GDPD1: variants seen among roughly 807,000 people sequenced by gnomAD.
GDPD1 encodes the protein lysophospholipase D GDPD1.
In GDPD1, 28 loss-of-function variants were observed where a neutral mutation model predicts 45.1. That is an observed-to-expected ratio of 0.62 (90% confidence interval 0.46 to 0.85). The LOEUF is 0.85. Among genes scored for constraint, GDPD1 ranks in the 40% least tolerant of loss-of-function variants. GDPD1 has a pLI of 0.00. For missense variants in GDPD1, 256 were observed against 364.8 expected, an observed-to-expected ratio of 0.70 and a Z score of 2.43; for synonymous variants, 139 against 131.4, an observed-to-expected ratio of 1.06 and a Z score of -0.40.
At chr17:59,261,185 C>T (rs1360238447) in intron 6 of GDPD1, among the ~76,000 whole-genome samples, 8 of 152,098 alleles carry the variant, frequency 5.3e-5, no homozygotes, top group South Asian at 2.1e-4. Flanking sequence ...AGGCTGGTCT[C>T]GAACTCCTGA....
chr17:59,242,868 C>G (rs376720072), intron 2 of GDPD1, among the ~76,000 whole-genome samples: 2 of 152,174 alleles, frequency 1.3e-5, no homozygotes, highest in East Asian at 1.9e-4. Flanking sequence ...GGCTCCACCC[C>G]CTCCTTGCAG....
chr17:59,230,354 A>G (rs1369436660), intron 1 of GDPD1, among the ~76,000 whole-genome samples: 1 of 150,682 alleles, frequency 6.6e-6, no homozygotes, highest in Non-Finnish European at 1.5e-5. Flanking sequence ...TGAATATTGA[A>G]CAGGCCAGTT....
chr17:59,234,630 G>A (rs750236960), intron 2 of GDPD1, 96 bp downstream of exon 2: 84 of 808,138 alleles, frequency 1.0e-4, no homozygotes, highest in Non-Finnish European at 1.7e-4. Flanking sequence ...GATAGTGTAA[G>A]TGTAGCATCA....
chr17:59,270,023 G>T (rs1435201542), intron 7 of GDPD1, among the ~76,000 whole-genome samples: 1 of 152,016 alleles, frequency 6.6e-6, no homozygotes, highest in Admixed American at 6.6e-5. Context: ...GATATATTTT[G>T]TGTGTTTTAA....
chr17:59,230,729 T>G (rs555212117), intron 1 of GDPD1, among the ~76,000 whole-genome samples: 46 of 152,160 alleles, frequency 3.0e-4, no homozygotes, highest in African/African-American at 1.1e-3. Context: ...TTTTAAAGAT[T>G]AAAGGTGATT....
chr17:59,234,401 A>C, intron 1 of GDPD1, 91 bp from the exon 2 acceptor site: 1 of 711,342 alleles, frequency 1.4e-6, no homozygotes, highest in Non-Finnish European at 2.4e-6. Flanking sequence ...AAAAAAAAAA[A>C]GGTCAAGATT....
chr17:59,265,133 G>A (rs1020947523), intron 6 of GDPD1, among the ~76,000 whole-genome samples: 2 of 152,020 alleles, frequency 1.3e-5, no homozygotes, highest in East Asian at 1.9e-4. Context: ...GAGCAACCGC[G>A]CCCAGCCTAG....
At position 59,255,701 on chromosome 17, in the gene GDPD1, C is replaced by T. The variant is rs574443594; in HGVS notation, c.368-1421C>T. Reference sequence around the variant, plus strand: ...GAGGTTGCTGTGAGCCGAGATCGCACTATCGCACTCCAGCCTGGGCAACAA... The same window carrying T: ...GAGGTTGCTGTGAGCCGAGATCGCATTATCGCACTCCAGCCTGGGCAACAA... On this transcript the variant is annotated intron_variant, in intron 4 of 9. Coordinates refer to ENST00000284116, the MANE Select transcript of GDPD1 (RefSeq NM_182569.4). Among the ~76,000 whole-genome samples, 339 of 129,468 alleles carry T rather than the reference C, an allele frequency of 2.6e-3. 1 individual carries two copies. Among genetic ancestry groups the T allele is most frequent in the Middle Eastern group, 9.7e-3 (2 of 206 alleles). The allele number at this position is 129,468 out of a possible 152,430, so 84.9% of individuals were successfully genotyped here.
chr17:59,268,998 AT>A (rs2047423198), intron 7 of GDPD1, among the ~76,000 whole-genome samples: 1 of 152,094 alleles, frequency 6.6e-6, no homozygotes, highest in African/African-American at 2.4e-5. Context: ...TCAAAAAAAA[AT>A]AAGAAAGAAA....
chr17:59,245,420 T>C lies in GDPD1; in HGVS notation c.192T>C (p.Val64=). Residue 64 remains valine (V), a synonymous_variant, in exon 3 of 10, where the codon GTT becomes GTC. Transcript: ENST00000284116. ...ENTMAAFQHA[V]KIGTDMLELD... ...TCTTCTTTTATTTCTTCAGTGCGGT[T>C]AAAATCGGAACTGATATGCTAGAAT... 6.2e-7 allele frequency: 1 copy of C among 1,610,116 alleles called. No homozygotes were observed. Among genetic ancestry groups the C allele is most frequent in the Non-Finnish European group, 8.5e-7 (1 of 1,178,248 alleles).
intron 2 of GDPD1, among the ~76,000 whole-genome samples, chr17:59,239,506 A>G (rs1478882060): frequency 2.0e-5 from 3 of 152,074 alleles, no homozygotes; most frequent in African/African-American, 7.2e-5. Flanking sequence ...TTGAAGGCAA[A>G]AGTGATAAAA....
rs2047460641 is a variant in GDPD1 at position 59,273,771 on chromosome 17, T to C, written c.943T>C (p.Ter315GlnextTer15). The change falls in exon 10 of 10, where the codon TAG (stop) becomes CAG (glutamine). Residue 315 changes from the stop codon to glutamine (Q), a stop_lost. Transcript: ENST00000284116. ...LRDFLHNFSA[*>Q] The stretch of plus-strand genomic sequence containing the variant: ...GGATTTTTTACATAACTTTTCAGCA[T>C]AGAAAAAGAGGTACTTAGAAGTATT... 7.7e-6 allele frequency: 12 copies of C among 1,565,292 alleles called. No homozygotes were observed. In the East Asian group the frequency reaches 2.5e-4, roughly 33 times the overall value.
Position 59,273,803 on chromosome 17 carries a change from A to G in GDPD1, c.*30A>G. The G allele has an allele frequency of 6.6e-7, 1 of 1,524,604 alleles. No homozygotes were observed. The highest frequency in any genetic ancestry group is 8.8e-7 in the Non-Finnish European group (1 of 1,139,560). The allele number at this position is 1,524,604 out of a possible 1,614,324, so 94.4% of individuals were successfully genotyped here. A position where few individuals can be genotyped will look rare whatever the true frequency, so the allele number is the denominator to read the frequency against. ...AGAGGTACTTAGAAGTATTGAAGGA[A>G]AAAATGAAGACCTAAGAAAAAAATA... On this transcript the variant is annotated 3_prime_UTR_variant, in exon 10 of 10. Coordinates refer to ENST00000284116, the MANE Select transcript of GDPD1 (RefSeq NM_182569.4).
intron 6 of GDPD1, among the ~76,000 whole-genome samples, chr17:59,265,186 A>T (rs1414224406): frequency 6.6e-6 from 1 of 152,040 alleles, no homozygotes; most frequent in African/African-American, 2.4e-5. Context: ...GATTTTTAAA[A>T]ATATATATTA....
intron 4 of GDPD1, among the ~76,000 whole-genome samples, chr17:59,253,014 C>G (rs1213063139): frequency 6.6e-6 from 1 of 152,086 alleles, no homozygotes; most frequent in Non-Finnish European, 1.5e-5. Context: ...AAGTGTTAAC[C>G]AAATGGTTTG....
intron 1 of GDPD1, among the ~76,000 whole-genome samples, chr17:59,222,711 C>T (rs573454129): frequency 2.7e-4 from 41 of 151,792 alleles, no homozygotes; most frequent in African/African-American, 9.9e-4. Flanking sequence ...GACGAGGTTT[C>T]ACCATGTTGG....
At chr17:59,262,263 G>A (rs966266480) in intron 6 of GDPD1, among the ~76,000 whole-genome samples, 1 of 152,070 alleles carries the variant, frequency 6.6e-6, no homozygotes, top group African/African-American at 2.4e-5. Context: ...CATGTAAAAT[G>A]AAGGCACATT....
intron 6 of GDPD1, among the ~76,000 whole-genome samples, chr17:59,266,339 T>A (rs9303405): frequency 6.8e-6 from 1 of 147,654 alleles, no homozygotes; most frequent in African/African-American, 2.5e-5. Flanking sequence ...AGTGAGCCGA[T>A]ATTGTGCCAC....
At chr17:59,227,389 A>G (rs2047055334) in intron 1 of GDPD1, among the ~76,000 whole-genome samples, 1 of 152,100 alleles carries the variant, frequency 6.6e-6, no homozygotes, top group Admixed American at 6.6e-5. Flanking sequence ...ACTGCACTCC[A>G]GCCTGAGCGA....
Sources: gnomAD v4.1 joint callset for allele counts (sites outside exome capture counted in the v4.1 genomes callset) on GRCh38, gnomAD v4.1.1 for gene constraint, MANE v1.5 for transcripts, NCBI Gene and HGNC (gene_info 2026-07-23, HGNC 2026-07-21) for gene names.